Variants in FREM3 observed in about 807,000 individuals in gnomAD.
FREM3 encodes FRAS1 related extracellular matrix 3.
Under a neutral mutation model 129.1 loss-of-function variants are expected in FREM3, and 105 were observed. The ratio of observed to expected loss-of-function variants is 0.81; its 90% CI spans 0.69 to 0.96. The LOEUF is 0.96. FREM3 is among the 40% of genes least tolerant of loss of function. The pLI is 0.00. For missense variants in FREM3, 2,593 were observed against 2,666.3 expected, an observed-to-expected ratio of 0.97 and a Z score of 0.61; for synonymous variants, 1,014 against 1,044.9, an observed-to-expected ratio of 0.97 and a Z score of 0.57.
chr4:143,583,415 A>G (rs1035590518), intron 7 of FREM3, among the ~76,000 whole-genome samples: 1 of 152,182 alleles, frequency 6.6e-6, no homozygotes, highest in Non-Finnish European at 1.5e-5. Flanking sequence ...TATTTCCCCA[A>G]CTTCACTAGA....
intron 6 of FREM3, among the ~76,000 whole-genome samples, chr4:143,609,397 A>T (rs764645479): frequency 9.2e-5 from 14 of 152,218 alleles, no homozygotes; most frequent in Non-Finnish European, 1.6e-4. Context: ...TCAACTTTTC[A>T]TATTAATTCT....
chr4:143,699,287 AT>A lies in FREM3; in HGVS notation c.1388del (p.Asp463ValfsTer6). On this transcript the variant is annotated frameshift_variant, in exon 1 of 8. Coordinates refer to ENST00000329798, the MANE Select transcript of FREM3 (RefSeq NM_001168235.2). LOFTEE classifies it high-confidence loss of function. This position sits in a 1 kb window ranked among gnomAD's most constrained non-coding sequence, Gnocchi z 4.2. ...CAGCCATTTTCACCTCTTCCAGGTT[AT>A]CTTTATCACTGATAGGAATGCTGTG... ...STHSIPISDK[D>X]NLEEVKMAAV... 6.5e-7 allele frequency: 1 copy of A among 1,537,308 alleles called. No homozygotes were observed. Among genetic ancestry groups the A allele is most frequent in the Non-Finnish European group, 8.7e-7 (1 of 1,146,932 alleles).
At chr4:143,657,751 T>G (rs186658699) in intron 2 of FREM3, among the ~76,000 whole-genome samples, 1 of 152,256 alleles carries the variant, frequency 6.6e-6, no homozygotes, top group African/African-American at 2.4e-5. Context: ...GAGATGCTAA[T>G]TTTAGGTTAA....
intron 2 of FREM3, among the ~76,000 whole-genome samples, chr4:143,678,181 A>G (rs1188352016): frequency 6.6e-6 from 1 of 152,260 alleles, no homozygotes; most frequent in Non-Finnish European, 1.5e-5. Flanking sequence ...AAAATGTGGC[A>G]CATATACACC....
At chr4:143,657,401 G>A (rs776263892) in intron 2 of FREM3, among the ~76,000 whole-genome samples, 1 of 152,172 alleles carries the variant, frequency 6.6e-6, no homozygotes, top group Non-Finnish European at 1.5e-5. Context: ...AGAATTTTAG[G>A]ACTGGAAGGG....
chr4:143,697,690 T>A lies in FREM3; in HGVS notation c.2986A>T (p.Thr996Ser), dbSNP rs780769416. 6.5e-7 allele frequency: 1 copy of A among 1,537,838 alleles called. No individual in the cohort carries two copies. The highest frequency in any genetic ancestry group is 1.2e-5 in the South Asian group (1 of 84,062). The change falls in exon 1 of 8, where the codon ACT becomes TCT. Residue 996 changes from threonine (T) to serine (S), a missense_variant. Thr to Ser is a moderately conservative substitution (Grantham distance 58). This residue lies in a region of FREM3 where 2,276 missense variants were observed against 2,267.2 expected (regional missense o/e 1.00). Transcript: ENST00000329798. ...FIVKDSPKLG[T>S]ILVNGLPTER... ...GTGGGCAAACCATTTACCAGAATAG[T>A]GCCCAGTTTGGGGCTGTCCTTTACA... is the stretch of plus-strand genomic sequence containing the variant.
chr4:143,596,688 A>G (rs1215981686), intron 6 of FREM3, among the ~76,000 whole-genome samples: 1 of 152,200 alleles, frequency 6.6e-6, no homozygotes, highest in African/African-American at 2.4e-5. Flanking sequence ...TAATTCCAGC[A>G]CTTTGGGAGG....
chr4:143,699,201 T>C lies in FREM3; in HGVS notation c.1475A>G (p.Tyr492Cys), dbSNP rs756157828. 2.0e-6 allele frequency: 3 copies of C among 1,537,160 alleles called. No individual in the cohort carries two copies. Among genetic ancestry groups the C allele is most frequent in the Non-Finnish European group, 2.6e-6 (3 of 1,146,928 alleles). Residue 492 changes from tyrosine (Y) to cysteine (C), a missense_variant, in exon 1 of 8, where the codon TAT becomes TGT. Transcript: ENST00000329798. The surrounding 1 kb of genome is among the most constrained non-coding windows in gnomAD (Gnocchi z 4.2). Reference sequence around the variant, plus strand: ...TGCTGCCAGGTCCGCTGGTGTGAAATACTTGCACCCAGCAGGTGCCCCAAA... The same window carrying C: ...TGCTGCCAGGTCCGCTGGTGTGAAACACTTGCACCCAGCAGGTGCCCCAAA... ...VVFGAPAGCKYFTPADLAAGR... is the reference protein window; with the variant it reads ...VVFGAPAGCKCFTPADLAAGR...
chr4:143,616,054 T>A (rs1353019367), intron 5 of FREM3, among the ~76,000 whole-genome samples: 2 of 152,228 alleles, frequency 1.3e-5, no homozygotes, highest in Non-Finnish European at 2.9e-5. Flanking sequence ...CCTCAGATCT[T>A]TCACAGATTC....
chr4:143,651,018 TC>T (rs1386656794), intron 2 of FREM3, among the ~76,000 whole-genome samples: 1 of 152,228 alleles, frequency 6.6e-6, no homozygotes, highest in East Asian at 1.9e-4. Flanking sequence ...ACTATAGTGG[TC>T]TAGGTATTCC....
intron 3 of FREM3, among the ~76,000 whole-genome samples, chr4:143,627,100 G>C (rs1739051943): frequency 1.3e-5 from 2 of 152,060 alleles, no homozygotes; most frequent in South Asian, 4.2e-4. Context: ...ACATATTTCT[G>C]TACTAGGTCC....
rs1273197101 is a variant in FREM3 at position 143,624,545 on chromosome 4, G to A, written c.5423-207C>T. ...TAGAATTGAGAAGAAAACATGGAAG[G>A]GGGATTGACAGAAAGAAGAGAACAG... On this transcript the variant is annotated intron_variant, in intron 3 of 7. Transcript: ENST00000329798. Among the ~76,000 whole-genome samples the A allele has an allele frequency of 2.0e-5, 3 of 152,102 alleles. No individual in the cohort carries two copies. The South Asian group carries it at 6.2e-4, about 32-fold the overall frequency.
chr4:143,675,912 C>CA, intron 2 of FREM3, among the ~76,000 whole-genome samples: 1 of 151,754 alleles, frequency 6.6e-6, no homozygotes. Context: ...GCTTACCAAC[C>CA]AAAAAAAGTC....
At chr4:143,660,842 A>T (rs1314716509) in intron 2 of FREM3, among the ~76,000 whole-genome samples, 1 of 152,108 alleles carries the variant, frequency 6.6e-6, no homozygotes, top group East Asian at 1.9e-4. Context: ...TTCTCTTTGA[A>T]GCAATTGTGA....
At chr4:143,647,249 AT>A (rs147607918) in intron 2 of FREM3, among the ~76,000 whole-genome samples, 75,681 of 151,994 alleles carry the variant, frequency 0.5, 19,620 homozygotes, top group East Asian at 0.71. Context: ...GGCAGAAGAA[AT>A]TTCTATGTGA....
chr4:143,699,806 G>T lies in FREM3; in HGVS notation c.870C>A (p.Phe290Leu). ...GSAGVLVREH[F>L]QLLVRIRGGA... is the part of the protein sequence containing the mutation. ...CGCCGCGGATCCTCACGAGCAGCTG[G>T]AAGTGCTCGCGGACCAGCACACCCG... The change falls in exon 1 of 8, where the codon TTC becomes TTA. Residue 290 changes from phenylalanine (F) to leucine (L), a missense_variant. This residue lies in a region of FREM3 where 2,276 missense variants were observed against 2,267.2 expected (regional missense o/e 1.00). Coordinates refer to ENST00000329798, the MANE Select transcript of FREM3 (RefSeq NM_001168235.2). This position sits in a 1 kb window ranked among gnomAD's most constrained non-coding sequence, Gnocchi z 4.2. The T allele has an allele frequency of 2.6e-6, 4 of 1,536,476 alleles. No individual in the cohort carries two copies. Among genetic ancestry groups the T allele is most frequent in the Non-Finnish European group, 3.5e-6 (4 of 1,146,852 alleles).
intron 5 of FREM3, 150 bp downstream of exon 5, chr4:143,620,887 G>C (rs1738933339): frequency 1.5e-6 from 1 of 685,532 alleles, no homozygotes; most frequent in East Asian, 2.8e-5. Flanking sequence ...AGTCAGGAAA[G>C]GGGGTTCGCA....
intron 6 of FREM3, among the ~76,000 whole-genome samples, chr4:143,604,017 G>C (rs1052737581): frequency 2.0e-5 from 3 of 152,124 alleles, no homozygotes; most frequent in Non-Finnish European, 4.4e-5. Flanking sequence ...TGGGTCAGGG[G>C]GTTGGATCTC....
chr4:143,600,755 T>A (rs1288826997), intron 6 of FREM3, among the ~76,000 whole-genome samples: 3 of 152,136 alleles, frequency 2.0e-5, no homozygotes, highest in African/African-American at 2.4e-5. Context: ...AAATGTAACA[T>A]AACTAACAAA....
Sources: gnomAD v4.1 joint callset for allele counts (sites outside exome capture counted in the v4.1 genomes callset) on GRCh38, gnomAD v4.1.1 for gene constraint, gnomAD v4.1.1 regional missense constraint, Gnocchi (gnomAD v3.1) non-coding constraint, MANE v1.5 for transcripts, NCBI Gene and HGNC (gene_info 2026-07-23, HGNC 2026-07-21) for gene names.